TXNRD1: variants seen among roughly 807,000 people sequenced by gnomAD.
TXNRD1 encodes the protein thioredoxin reductase 1, cytoplasmic.
TXNRD1 carries 57 observed loss-of-function variants against 80.3 expected under a neutral mutation model. That is an observed-to-expected ratio of 0.71 (90% CI 0.57 to 0.89). The LOEUF is 0.89. Among genes scored for constraint, TXNRD1 ranks in the 40% least tolerant of loss-of-function variants. The pLI, the probability that TXNRD1 is intolerant of heterozygous loss-of-function variation, is 0.00. For synonymous variants in TXNRD1, 291 were observed against 285.2 expected, an observed-to-expected ratio of 1.02 and a Z score of -0.20; for missense variants, 730 against 803.0, an observed-to-expected ratio of 0.91 and a Z score of 1.10.
At chr12:104,322,863 C>T (rs1426000415) in intron 10 of TXNRD1, among the ~76,000 whole-genome samples, 1 of 145,994 alleles carries the variant, frequency 6.8e-6, no homozygotes, top group Non-Finnish European at 1.5e-5. Flanking sequence ...GGGGATTTGG[C>T]AGGGTCATGG....
intron 3 of TXNRD1, among the ~76,000 whole-genome samples, chr12:104,270,427 C>G (rs979693480): frequency 6.6e-6 from 1 of 152,174 alleles, no homozygotes; most frequent in Admixed American, 6.5e-5. Flanking sequence ...CATGCACTGT[C>G]AATGAGCAGT....
chr12:104,242,188 C>T (rs1453888085), intron 1 of TXNRD1, among the ~76,000 whole-genome samples: 1 of 151,748 alleles, frequency 6.6e-6, no homozygotes, highest in Non-Finnish European at 1.5e-5. Context: ...ATCCACCCAC[C>T]TTGGCCTCCC....
At chr12:104,313,872 C>T (rs1051939936) in intron 6 of TXNRD1, among the ~76,000 whole-genome samples, 8 of 151,924 alleles carry the variant, frequency 5.3e-5, no homozygotes, top group Non-Finnish European at 1.2e-4. Flanking sequence ...TTGTGGTAAG[C>T]GGTATTGAAA....
At position 104,326,428 on chromosome 12, in the gene TXNRD1, GAA is replaced by G. The variant is rs373675621; in HGVS notation, c.1385+11_1385+12del. ...AGGGGTGAAGATAAATGAAAAGTAA[GAA>G]AAAAATCTTTATTATGTCATATTTG... On this transcript the variant is annotated splice_donor_region_variant and intron_variant, in intron 12 of 16. Transcript: ENST00000525566. The G allele has an allele frequency of 8.8e-7, 1 of 1,138,490 alleles. No homozygotes were observed. Among genetic ancestry groups the G allele is most frequent in the East Asian group, 2.9e-5 (1 of 34,356 alleles). 70.5% of individuals were successfully genotyped at this position (1,138,490 alleles called of 1,614,324 possible). A position where few individuals can be genotyped will look rare whatever the true frequency, so the allele number is the denominator to read the frequency against.
intron 4 of TXNRD1, among the ~76,000 whole-genome samples, chr12:104,294,270 G>A (rs1329040029): frequency 1.4e-5 from 2 of 141,856 alleles, no homozygotes; most frequent in South Asian, 2.3e-4. Context: ...GGTCTGCTAA[G>A]TAGCGGGTGT....
rs779404990 is a variant in TXNRD1, at chr12:104,339,218, G to A, written c.1826G>A (p.Gly609Glu). ...GGCTTTGCAGCTGCGCTCAAATGTG[G>A]ACTGACCAAAAAGCAGCTGGACAGC... ...TQGFAAALKC[G>E]LTKKQLDSTI... The change falls in exon 16 of 17, where the codon GGA (glycine) becomes GAA (glutamate). Residue 609 changes from glycine to glutamate, a missense_variant. By Grantham distance (98) the Gly-to-Glu change is moderately conservative. Transcript: ENST00000525566. 3 of 1,613,814 alleles carry A rather than the reference G, an allele frequency of 1.9e-6. No individual in the cohort carries two copies. The highest frequency in any genetic ancestry group is 2.5e-6 in the Non-Finnish European group (3 of 1,179,874).
rs77177697 is a variant in TXNRD1 at position 104,253,031 on chromosome 12, A to T, written c.243+1353A>T. 5.9e-5 allele frequency among the ~76,000 whole-genome samples: 9 copies of T among 151,926 alleles called. No homozygotes were observed. The East Asian group carries it at 1.7e-3, about 29-fold the overall frequency. ...TTATTATTAAGTTTAATTTTCTCTC[A>T]ACTTGTCTGCCCCATGACTTACTTT... is the stretch of plus-strand genomic sequence containing the variant. On this transcript the variant is annotated intron_variant, in intron 2 of 16. Coordinates refer to ENST00000525566, the MANE Select transcript of TXNRD1 (RefSeq NM_001093771.3).
intron 3 of TXNRD1, chr12:104,265,601 G>C (rs1415409531): frequency 6.2e-7 from 1 of 1,607,548 alleles, no homozygotes; most frequent in South Asian, 1.1e-5. Context: ...CGGGAATACC[G>C]GGACCTGACC....
At chr12:104,279,580 G>C (rs959187933) in intron 3 of TXNRD1, among the ~76,000 whole-genome samples, 6 of 152,156 alleles carry the variant, frequency 3.9e-5, no homozygotes, top group Non-Finnish European at 7.4e-5. Flanking sequence ...ACTTGGCTTT[G>C]CAGTTAGTAA....
chr12:104,301,241 G>C (rs1361822221), intron 4 of TXNRD1, among the ~76,000 whole-genome samples: 1 of 152,174 alleles, frequency 6.6e-6, no homozygotes. Context: ...TAGCAAATTG[G>C]TGTCAGCCTA....
At chr12:104,336,680 A>C (rs115661034) in intron 15 of TXNRD1, among the ~76,000 whole-genome samples, 312 of 152,326 alleles carry the variant, frequency 2.0e-3, no homozygotes, top group African/African-American at 7.2e-3. Context: ...ATAAGAGATA[A>C]ACCATCATAT....
intron 4 of TXNRD1, among the ~76,000 whole-genome samples, chr12:104,298,998 A>C (rs1182182744): frequency 6.6e-6 from 1 of 152,198 alleles, no homozygotes; most frequent in Non-Finnish European, 1.5e-5. Flanking sequence ...AAATTCATAC[A>C]TACTCAAGTC....
intron 10 of TXNRD1, 62 bp downstream of exon 10, chr12:104,321,378 T>C: frequency 7.3e-7 from 1 of 1,366,308 alleles, no homozygotes; most frequent in South Asian, 1.2e-5. Context: ...AAAAAGAGAG[T>C]TGAGTTGGTG....
intron 10 of TXNRD1, among the ~76,000 whole-genome samples, chr12:104,324,501 G>A (rs958702942): frequency 2.6e-5 from 4 of 151,998 alleles, no homozygotes; most frequent in South Asian, 2.1e-4. Context: ...ACAGGCGCCC[G>A]CCACCACGCC....
chr12:104,252,468 G>GGTTT (rs1405559260), intron 2 of TXNRD1, among the ~76,000 whole-genome samples: 2 of 151,126 alleles, frequency 1.3e-5, no homozygotes. Context: ...AGTCCACCCT[G>GGTTT]AATAAACCAG....
intron 3 of TXNRD1, among the ~76,000 whole-genome samples, chr12:104,259,246 T>A (rs1035017434): frequency 4.0e-5 from 6 of 151,710 alleles, no homozygotes; most frequent in Non-Finnish European, 7.4e-5. Flanking sequence ...CTGGGTGTGG[T>A]GGTGTGCACC....
chr12:104,308,747 C>T (rs950804684), intron 4 of TXNRD1, among the ~76,000 whole-genome samples: 2 of 152,054 alleles, frequency 1.3e-5, no homozygotes, highest in Non-Finnish European at 2.9e-5. Context: ...TTCTCCTTTC[C>T]TTATCCCATC....
intron 7 of TXNRD1, among the ~76,000 whole-genome samples, chr12:104,317,525 G>A (rs1678608518): frequency 6.6e-6 from 1 of 152,124 alleles, no homozygotes; most frequent in South Asian, 2.1e-4. Flanking sequence ...AGGCTGGCCA[G>A]TAAGTGTTAT....
rs961113825 is a variant in TXNRD1 at position 104,228,136 on chromosome 12, C to T, written c.91+12243C>T. Among the ~76,000 whole-genome samples the T allele has an allele frequency of 3.3e-5, 5 of 151,916 alleles. No individual in the cohort carries two copies. The East Asian group carries it at 9.6e-4, about 29-fold the overall frequency. On this transcript the variant is annotated intron_variant, in intron 1 of 16. Transcript: ENST00000525566. ...TGACCAACATGGAGAAACCCCATCT[C>T]TACTAAAAATATAAAATTAGCTGGG...
Sources: gnomAD v4.1 joint callset for allele counts (sites outside exome capture counted in the v4.1 genomes callset) on GRCh38, gnomAD v4.1.1 for gene constraint, MANE v1.5 for transcripts, NCBI Gene and HGNC (gene_info 2026-07-23, HGNC 2026-07-21) for gene names.